Variants in EBF3 observed in about 807,000 individuals in gnomAD.
EBF3 encodes the protein transcription factor COE3.
Under a neutral mutation model 77.1 loss-of-function variants are expected in EBF3, and 18 were observed. The observed-to-expected ratio is 0.23, with a 90% CI of 0.16 to 0.35. The LOEUF (loss-of-function observed/expected upper bound fraction) is 0.35. EBF3 is among the 10% of genes least tolerant of loss of function. The probability of loss-of-function intolerance (pLI) is 1.00; values close to 1 mark genes in which losing one functional copy is unlikely to be tolerated. For synonymous variants in EBF3, 350 were observed against 343.5 expected (o/e 1.02, Z -0.21); for missense variants, 558 against 860.0 (o/e 0.65, Z 4.39).
intron 6 of EBF3, among the ~76,000 whole-genome samples, chr10:129,878,214 G>A (rs529403515): frequency 1.3e-5 from 2 of 152,238 alleles, no homozygotes; most frequent in African/African-American, 2.4e-5. Context: ...AATGAAGGAT[G>A]CCTAGTTAAA....
chr10:129,909,712 C>T (rs543561416), intron 6 of EBF3, among the ~76,000 whole-genome samples: 22 of 152,306 alleles, frequency 1.4e-4, no homozygotes, highest in South Asian at 4.1e-4. Flanking sequence ...TCCAAGCCTG[C>T]GAACCCCCAT....
At position 129,938,984 on chromosome 10, in the gene EBF3, T is replaced by C. The variant is rs1224871683; in HGVS notation, c.554+18274A>G. 6.6e-6 allele frequency among the ~76,000 whole-genome samples: 1 copy of C among 152,162 alleles called. No individual in the cohort carries two copies. The highest frequency in any genetic ancestry group is 2.4e-5 in the African/African-American group (1 of 41,442). On this transcript the variant is annotated intron_variant, in intron 6 of 16. Coordinates refer to ENST00000440978, the MANE Select transcript of EBF3 (RefSeq NM_001375380.1). The surrounding 1 kb of genome is among the most constrained non-coding windows in gnomAD (Gnocchi z 5.1). Reference sequence around the variant, plus strand: ...GAACCTCTGACCTGTCCCAAACAAATAAATGAGGGCTCTTGATGTCTTTCT... The same window carrying C: ...GAACCTCTGACCTGTCCCAAACAAACAAATGAGGGCTCTTGATGTCTTTCT...
intron 6 of EBF3, among the ~76,000 whole-genome samples, chr10:129,921,859 C>T (rs2134361420): frequency 6.6e-6 from 1 of 152,320 alleles, no homozygotes; most frequent in African/African-American, 2.4e-5. Flanking sequence ...TCCTGAGCCC[C>T]ACACCTGCCG....
chr10:129,875,187 C>CTTTTTTT (rs1193539598), intron 7 of EBF3, among the ~76,000 whole-genome samples: 18 of 92,940 alleles, frequency 1.9e-4, no homozygotes, highest in African/African-American at 2.5e-4. Context: ...ATGGCTTCTT[C>CTTTTTTT]TTTTTTTTTT....
intron 6 of EBF3, among the ~76,000 whole-genome samples, chr10:129,910,685 G>C (rs1465539431): frequency 6.6e-6 from 1 of 151,890 alleles, no homozygotes; most frequent in East Asian, 1.9e-4. Flanking sequence ...CTCCCCCAGA[G>C]CCCCAGGTAT....
intron 11 of EBF3, among the ~76,000 whole-genome samples, chr10:129,847,068 G>A (rs748775637): frequency 6.6e-6 from 1 of 152,156 alleles, no homozygotes; most frequent in Non-Finnish European, 1.5e-5. Context: ...GCGGTCACCT[G>A]TGGCGCCAAC....
chr10:129,851,021 C>T (rs1427475789), intron 10 of EBF3, among the ~76,000 whole-genome samples: 1 of 152,248 alleles, frequency 6.6e-6, no homozygotes, highest in African/African-American at 2.4e-5. Flanking sequence ...GAGCCCCGAG[C>T]CAGGCCAATC....
chr10:129,928,051 C>T (rs12768420), intron 6 of EBF3, among the ~76,000 whole-genome samples: 90,646 of 152,066 alleles, frequency 0.6, 27,729 homozygotes, highest in East Asian at 0.8. Context: ...TGAGATCTAA[C>T]AGGAACCGTT....
In EBF3 at chr10:129,870,551, G is replaced by A. The variant is rs939809666; in HGVS notation, c.782-2639C>T. On this transcript the variant is annotated intron_variant, in intron 8 of 16. Coordinates refer to ENST00000440978, the MANE Select transcript of EBF3 (RefSeq NM_001375380.1). The surrounding 1 kb of genome is among the most constrained non-coding windows in gnomAD (Gnocchi z 4.4). ...AGGAGGCGTGGCGAGTCTCCCCTGCGGATCTGACATGCGCCACCATGACCT... is the reference window on the plus strand; with the variant it reads ...AGGAGGCGTGGCGAGTCTCCCCTGCAGATCTGACATGCGCCACCATGACCT... Among the ~76,000 whole-genome samples, 1 of 152,100 alleles carries A rather than the reference G, an allele frequency of 6.6e-6. No homozygotes were observed. Among genetic ancestry groups the A allele is most frequent in the Admixed American group, 6.5e-5 (1 of 15,284 alleles).
intron 6 of EBF3, among the ~76,000 whole-genome samples, chr10:129,883,956 G>A (rs780318314): frequency 9.2e-5 from 14 of 152,216 alleles, no homozygotes; most frequent in Non-Finnish European, 1.8e-4. Flanking sequence ...GTCCTGCCCC[G>A]AAGGAGAACA....
intron 6 of EBF3, among the ~76,000 whole-genome samples, chr10:129,883,837 T>C (rs12219834): frequency 0.022 from 3,416 of 152,202 alleles, 74 homozygotes; most frequent in African/African-American, 0.05. Flanking sequence ...TGGAACTAGA[T>C]GGTGGTGATG....
intron 6 of EBF3, among the ~76,000 whole-genome samples, chr10:129,887,925 A>G (rs1853722666): frequency 6.6e-6 from 1 of 152,138 alleles, no homozygotes; most frequent in Non-Finnish European, 1.5e-5. Context: ...CAGTCCCTAA[A>G]ACGTCCAGTA....
chr10:129,852,338 T>C (rs547700773), intron 10 of EBF3, among the ~76,000 whole-genome samples: 2 of 152,340 alleles, frequency 1.3e-5, no homozygotes, highest in Admixed American at 6.5e-5. Context: ...CCGCACTTGA[T>C]ACAATGTTAA....
At position 129,963,305 on chromosome 10, in the gene EBF3, C is replaced by T; in HGVS notation, c.291+62G>A. ...AGGGGGGCACTCGAACCCCCGCGCACCGGCACCGCCTGCCTCCCGCTTCTA... is the reference window on the plus strand; with the variant it reads ...AGGGGGGCACTCGAACCCCCGCGCATCGGCACCGCCTGCCTCCCGCTTCTA... On this transcript the variant is annotated intron_variant, in intron 2 of 16. Coordinates refer to ENST00000440978, the MANE Select transcript of EBF3 (RefSeq NM_001375380.1). The surrounding 1 kb of genome is among the most constrained non-coding windows in gnomAD (Gnocchi z 7.1). 6.5e-7 allele frequency: 1 copy of T among 1,546,316 alleles called. No individual in the cohort carries two copies. The highest frequency in any genetic ancestry group is 8.7e-7 in the Non-Finnish European group (1 of 1,148,982).
At chr10:129,889,308 G>A (rs1296869571) in intron 6 of EBF3, among the ~76,000 whole-genome samples, 3 of 152,246 alleles carry the variant, frequency 2.0e-5, no homozygotes, top group African/African-American at 4.8e-5. Context: ...GCACAGGAGC[G>A]TGGTCCCGCT....
At chr10:129,856,993 C>A (rs1279128664) in intron 10 of EBF3, among the ~76,000 whole-genome samples, 1 of 152,170 alleles carries the variant, frequency 6.6e-6, no homozygotes. Context: ...AAGCACAGGG[C>A]TCCGCACAGG....
chr10:129,886,907 A>G (rs901015737), intron 6 of EBF3, among the ~76,000 whole-genome samples: 5 of 151,454 alleles, frequency 3.3e-5, no homozygotes, highest in African/African-American at 4.9e-5. Context: ...AGACACAGAG[A>G]GACGCACACT....
intron 6 of EBF3, among the ~76,000 whole-genome samples, chr10:129,927,478 C>T (rs182777594): frequency 1.3e-5 from 2 of 152,272 alleles, no homozygotes; most frequent in East Asian, 1.9e-4. Flanking sequence ...CACGTGGTTC[C>T]ATCTACTAAG....
chr10:129,872,755 T>C (rs746992120), intron 8 of EBF3, among the ~76,000 whole-genome samples: 1 of 152,180 alleles, frequency 6.6e-6, no homozygotes, highest in Non-Finnish European at 1.5e-5. Context: ...CAATTGTGGG[T>C]GCTGTGCAGA....
Sources: gnomAD v4.1 joint callset for allele counts (sites outside exome capture counted in the v4.1 genomes callset) on GRCh38, gnomAD v4.1.1 for gene constraint, Gnocchi (gnomAD v3.1) non-coding constraint, MANE v1.5 for transcripts, NCBI Gene and HGNC (gene_info 2026-07-23, HGNC 2026-07-21) for gene names.